The following GRM1 variants were observed in gnomAD, a reference collection of about 807,000 sequenced individuals.
The protein encoded by GRM1 is metabotropic glutamate receptor 1.
Under a neutral mutation model 90.9 loss-of-function variants are expected in GRM1, and 33 were observed. That is an observed-to-expected ratio of 0.36 (90% confidence interval 0.28 to 0.49). The LOEUF (loss-of-function observed/expected upper bound fraction) is 0.49. GRM1 is among the 20% of genes least tolerant of loss of function. The pLI is 0.99. For missense variants in GRM1, 1,190 were observed against 1,534.3 expected (o/e 0.78, Z 3.75); for synonymous variants, 700 against 613.2 (o/e 1.14, Z -2.09).
intron 1 of GRM1, among the ~76,000 whole-genome samples, chr6:146,156,266 T>G (rs1240869842): frequency 2.0e-5 from 3 of 152,062 alleles, no homozygotes. Context: ...ATTAGCCAGG[T>G]GTGGTGGCAC....
At chr6:146,344,465 G>A (rs1220599443) in intron 3 of GRM1, among the ~76,000 whole-genome samples, 1 of 152,134 alleles carries the variant, frequency 6.6e-6, no homozygotes, top group Non-Finnish European at 1.5e-5. Context: ...TTTGCATTAA[G>A]TCTGGACCCT....
At chr6:146,172,141 G>A (rs1778151200) in intron 2 of GRM1, among the ~76,000 whole-genome samples, 1 of 152,092 alleles carries the variant, frequency 6.6e-6, no homozygotes, top group Non-Finnish European at 1.5e-5. Context: ...TTTGAAATGA[G>A]TGTCACTGGG....
chr6:146,064,302 T>C (rs77316814), intron 1 of GRM1, among the ~76,000 whole-genome samples: 6,070 of 152,292 alleles, frequency 0.04, 397 homozygotes, highest in African/African-American at 0.13. Flanking sequence ...TCCATAGTGT[T>C]AAGTTGAACA....
chr6:146,341,684 A>G lies in GRM1; in HGVS notation c.1187-10566A>G, dbSNP rs78811514. 1.1e-3 allele frequency among the ~76,000 whole-genome samples: 165 copies of G among 152,330 alleles called. 1 individual carries two copies. The East Asian group carries it at 0.03, about 28-fold the overall frequency. On this transcript the variant is annotated intron_variant, in intron 3 of 7. Transcript: ENST00000282753. ...AGAAAGTTCCACAGTCAACAGAAAC[A>G]TTGGCCCAGAGATGCTAAACTCCGT... is the stretch of plus-strand genomic sequence containing the variant.
chr6:146,368,664 G>T (rs546118917), intron 5 of GRM1, among the ~76,000 whole-genome samples: 11 of 151,596 alleles, frequency 7.3e-5, no homozygotes, highest in African/African-American at 2.4e-4. Flanking sequence ...TGTTGATGTG[G>T]TATTAAACCA....
At chr6:146,251,854 C>T (rs1781296373) in intron 2 of GRM1, among the ~76,000 whole-genome samples, 1 of 152,144 alleles carries the variant, frequency 6.6e-6, no homozygotes, top group Admixed American at 6.5e-5. Context: ...TGATTTTGCC[C>T]AGCACATTCT....
intron 1 of GRM1, among the ~76,000 whole-genome samples, chr6:146,137,986 T>C (rs1776689423): frequency 6.6e-6 from 1 of 152,192 alleles, no homozygotes; most frequent in Admixed American, 6.5e-5. Flanking sequence ...ATGGTACTAA[T>C]TTTTTAAATA....
intron 1 of GRM1, among the ~76,000 whole-genome samples, chr6:146,136,531 T>C (rs1776627682): frequency 6.6e-6 from 1 of 152,244 alleles, no homozygotes; most frequent in African/African-American, 2.4e-5. Flanking sequence ...ACCAGTGATG[T>C]TGAACACCTT....
Position 146,152,237 on chromosome 6 carries a change from T to TA in GRM1, c.701-7110dup, listed in dbSNP as rs564466834. Among the ~76,000 whole-genome samples the TA allele has an allele frequency of 3.4e-3, 524 of 152,170 alleles. 1 individual carries two copies. Among genetic ancestry groups the TA allele is most frequent in the Non-Finnish European group, 5.7e-3 (386 of 67,984 alleles). On this transcript the variant is annotated intron_variant, in intron 1 of 7. Coordinates refer to ENST00000282753, the MANE Select transcript of GRM1 (RefSeq NM_001278064.2). ...TCTGCTCCAGTGGTTCTTCTCTACT[T>TA]ACTGCCTCTAAAAATACCTCTTATG...
At chr6:146,113,714 A>G (rs4896856) in intron 1 of GRM1, among the ~76,000 whole-genome samples, 150,437 of 152,278 alleles carry the variant, frequency 0.99, 74,313 homozygotes, top group Middle Eastern at 1. Context: ...AAGCCTATAA[A>G]TGACAGTGAA....
chr6:146,238,856 C>G (rs1780746742), intron 2 of GRM1, among the ~76,000 whole-genome samples: 1 of 152,066 alleles, frequency 6.6e-6, no homozygotes, highest in African/African-American at 2.4e-5. Flanking sequence ...GCACCCTTGC[C>G]TCTCCCACTT....
chr6:146,133,150 A>G (rs935953991), intron 1 of GRM1, among the ~76,000 whole-genome samples: 1 of 152,188 alleles, frequency 6.6e-6, no homozygotes, highest in African/African-American at 2.4e-5. Flanking sequence ...TAAATCAACA[A>G]TACCTATGTG....
intron 1 of GRM1, among the ~76,000 whole-genome samples, chr6:146,126,706 T>G (rs1201779461): frequency 6.6e-6 from 1 of 152,184 alleles, no homozygotes. Flanking sequence ...AATCCTAATT[T>G]TATTCATTAA....
chr6:146,240,059 T>C (rs1035070881), intron 2 of GRM1, among the ~76,000 whole-genome samples: 5 of 152,102 alleles, frequency 3.3e-5, no homozygotes, highest in African/African-American at 1.2e-4. Flanking sequence ...GGAAACTTAA[T>C]GATATGACCT....
At chr6:146,205,023 A>G (rs1283799586) in intron 2 of GRM1, among the ~76,000 whole-genome samples, 3 of 152,258 alleles carry the variant, frequency 2.0e-5, no homozygotes, top group African/African-American at 7.2e-5. Flanking sequence ...GAATGAATAT[A>G]TGAAAATGCA....
intron 1 of GRM1, among the ~76,000 whole-genome samples, chr6:146,090,883 T>C (rs1776693283): frequency 6.6e-6 from 1 of 152,034 alleles, no homozygotes; most frequent in Non-Finnish European, 1.5e-5. Context: ...AAGTTAGGGC[T>C]GAAGAGAATC....
chr6:146,318,344 T>C (rs888949760), intron 3 of GRM1, among the ~76,000 whole-genome samples: 3 of 152,244 alleles, frequency 2.0e-5, no homozygotes, highest in African/African-American at 7.2e-5. Flanking sequence ...CATCCTTTTT[T>C]ATGGCTGCAT....
chr6:146,347,204 T>G (rs1380750980), intron 3 of GRM1, among the ~76,000 whole-genome samples: 1 of 152,220 alleles, frequency 6.6e-6, no homozygotes, highest in African/African-American at 2.4e-5. Flanking sequence ...TAATTTTTGC[T>G]AACAAATGTC....
chr6:146,140,113 C>CTTTCT (rs1554272190), intron 1 of GRM1, among the ~76,000 whole-genome samples: 1 of 116,002 alleles, frequency 8.6e-6, no homozygotes, highest in Admixed American at 1.0e-4. Context: ...TTCTTTCTTT[C>CTTTCT]TTTCTTTCTT....
Sources: allele counts gnomAD v4.1 joint callset (sites outside exome capture counted in the v4.1 genomes callset), GRCh38; gene constraint gnomAD v4.1.1; transcripts MANE v1.5; gene names NCBI Gene and HGNC (gene_info 2026-07-23, HGNC 2026-07-21).